CHORDC1: variants seen among roughly 807,000 people sequenced by gnomAD.
CHORDC1 encodes the protein cysteine and histidine-rich domain-containing protein 1.
CHORDC1 carries 25 observed loss-of-function variants against 48.3 expected under a neutral mutation model. That is an observed-to-expected ratio of 0.52 (90% CI 0.38 to 0.72). The LOEUF is 0.72. CHORDC1 is among the 30% of genes least tolerant of loss of function. The pLI is 0.00. For synonymous variants in CHORDC1, 128 were observed against 126.4 expected (o/e 1.01, Z -0.09); for missense variants, 317 against 388.7 (o/e 0.82, Z 1.55).
intron 8 of CHORDC1, among the ~76,000 whole-genome samples, chr11:90,204,004 AT>A (rs947466995): frequency 3.3e-5 from 5 of 150,982 alleles, no homozygotes; most frequent in Admixed American, 6.6e-5. Flanking sequence ...CCCTACCAGT[AT>A]TTTTTTTTAT....
At chr11:90,204,071 G>A (rs934713235) in intron 8 of CHORDC1, among the ~76,000 whole-genome samples, 1 of 151,878 alleles carries the variant, frequency 6.6e-6, no homozygotes, top group Admixed American at 6.6e-5. Context: ...CATAATTCAG[G>A]AAACTGAGAC....
Position 90,200,710 on chromosome 11 carries a change from C to T in CHORDC1, c.*1695G>A, listed in dbSNP as rs1857525686. Among the ~76,000 whole-genome samples, 3 of 151,848 alleles carry T rather than the reference C, an allele frequency of 2.0e-5. No homozygotes were observed. The highest frequency in any genetic ancestry group is 2.0e-4 in the Admixed American group (3 of 15,248). On this transcript the variant is annotated 3_prime_UTR_variant, in exon 11 of 11. Coordinates refer to ENST00000320585, the MANE Select transcript of CHORDC1 (RefSeq NM_012124.3). ...TGTAACTAATCTGAGGTTACAATAACTCACTGCTTCAAATAATATTTCAAT... is the reference window on the plus strand; with the variant it reads ...TGTAACTAATCTGAGGTTACAATAATTCACTGCTTCAAATAATATTTCAAT...
At chr11:90,209,298 C>T (rs1205388468) in intron 6 of CHORDC1, 1 of 152,166 alleles carries the variant, frequency 6.6e-6, no homozygotes, top group African/African-American at 2.4e-5. Context: ...CTTGAATTCC[C>T]TTCACATCGA....
chr11:90,205,290 T>C (rs1410312450), intron 8 of CHORDC1, among the ~76,000 whole-genome samples, 170 bp downstream of exon 8: 1 of 152,216 alleles, frequency 6.6e-6, no homozygotes, highest in Non-Finnish European at 1.5e-5. Flanking sequence ...CAAAAGGCAG[T>C]ACACTGGCAG....
At chr11:90,213,251 T>C in intron 4 of CHORDC1, 1 of 549,132 alleles carries the variant, frequency 1.8e-6, no homozygotes, top group Non-Finnish European at 3.3e-6. Context: ...TATAAATTTA[T>C]TTAAGTAGGA....
At chr11:90,222,589 A>AGGTCCC (rs1438522531) in intron 1 of CHORDC1, 1 of 618,334 alleles carries the variant, frequency 1.6e-6, no homozygotes, top group Non-Finnish European at 3.0e-6. Flanking sequence ...TTCGTTCTAA[A>AGGTCCC]TTCCAGGCGA....
intron 3 of CHORDC1, among the ~76,000 whole-genome samples, chr11:90,214,710 C>T (rs1857965803): frequency 6.6e-6 from 1 of 152,074 alleles, no homozygotes; most frequent in South Asian, 2.1e-4. Context: ...TTTTCTACTA[C>T]ATTCTACTGA....
intron 1 of CHORDC1, among the ~76,000 whole-genome samples, chr11:90,221,367 A>G (rs904119121): frequency 6.6e-6 from 1 of 152,306 alleles, no homozygotes. Flanking sequence ...TCATTTCGCT[A>G]AAGTAAATAT....
intron 9 of CHORDC1, 125 bp downstream of exon 9, chr11:90,203,183 A>G: frequency 1.1e-6 from 1 of 931,958 alleles, no homozygotes; most frequent in South Asian, 2.4e-5. Context: ...AATTTTTTTT[A>G]ATGGGAGTCA....
At chr11:90,213,837 T>G in intron 4 of CHORDC1, 181 bp downstream of exon 4, 1 of 556,158 alleles carries the variant, frequency 1.8e-6, no homozygotes, top group South Asian at 2.7e-5. Flanking sequence ...ATTGTGTACA[T>G]GCTCTCAAGT....
chr11:90,203,016 A>C (rs1404634344), intron 9 of CHORDC1, 141 bp from the exon 10 acceptor site: 1 of 1,117,142 alleles, frequency 9.0e-7, no homozygotes, highest in Non-Finnish European at 1.2e-6. Context: ...TCATATGAGA[A>C]AAGCCACTGA....
intron 5 of CHORDC1, chr11:90,210,986 G>GA: frequency 2.5e-5 from 8 of 314,322 alleles, no homozygotes; most frequent in Non-Finnish European, 4.0e-5. Flanking sequence ...AACCATAAAA[G>GA]AAAAAAAATT....
At chr11:90,207,786 A>AAAAAAAAG in intron 6 of CHORDC1, 1 of 150,432 alleles carries the variant, frequency 6.6e-6, no homozygotes, top group South Asian at 2.1e-4. Flanking sequence ...AAACAAAAAA[A>AAAAAAAAG]ACTCGTATAA....
chr11:90,200,657 T>C lies in CHORDC1; in HGVS notation c.*1748A>G, dbSNP rs1857523801. 2.0e-5 allele frequency among the ~76,000 whole-genome samples: 3 copies of C among 151,840 alleles called. No individual in the cohort carries two copies. In the South Asian group the frequency reaches 6.2e-4, roughly 31 times the overall value. ...AAAGCTACATATGTATGTGTGTGTGTGTGTGTATAAATCAATGTTTTGATC... is the reference window on the plus strand; with the variant it reads ...AAAGCTACATATGTATGTGTGTGTGCGTGTGTATAAATCAATGTTTTGATC... On this transcript the variant is annotated 3_prime_UTR_variant, in exon 11 of 11. Transcript: ENST00000320585.
intron 8 of CHORDC1, 117 bp from the exon 9 acceptor site, chr11:90,203,544 G>T: frequency 1.2e-6 from 1 of 861,574 alleles, no homozygotes; most frequent in Non-Finnish European, 1.7e-6. Context: ...AGCACTTAAT[G>T]TTTAAGGGCA....
chr11:90,200,928 T>C lies in CHORDC1; in HGVS notation c.*1477A>G, dbSNP rs914064444. Among the ~76,000 whole-genome samples the C allele has an allele frequency of 1.3e-5, 2 of 151,976 alleles. No homozygotes were observed. On this transcript the variant is annotated 3_prime_UTR_variant, in exon 11 of 11. Coordinates refer to ENST00000320585, the MANE Select transcript of CHORDC1 (RefSeq NM_012124.3). ...GAAAAATTTTAAATACATCTCCAGG[T>C]ATCAGATGCTTATGTACTCCATGTG...
At chr11:90,204,018 A>G (rs1857606191) in intron 8 of CHORDC1, among the ~76,000 whole-genome samples, 2 of 152,102 alleles carry the variant, frequency 1.3e-5, no homozygotes, top group African/African-American at 4.8e-5. Flanking sequence ...TTTTTTATAG[A>G]GGCAAATGAT....
At chr11:90,203,492 A>C in intron 8 of CHORDC1, 65 bp from the exon 9 acceptor site, 1 of 1,443,640 alleles carries the variant, frequency 6.9e-7, no homozygotes, top group Non-Finnish European at 9.3e-7. Flanking sequence ...TAAAAAGAGG[A>C]ATTTGACCCA....
intron 7 of CHORDC1, 124 bp from the exon 8 acceptor site, chr11:90,205,689 G>T: frequency 1.6e-6 from 1 of 639,816 alleles, no homozygotes; most frequent in Non-Finnish European, 2.7e-6. Flanking sequence ...CATTTTACAA[G>T]TGTCTAAGTT....
Sources: gnomAD v4.1 joint callset for allele counts (sites outside exome capture counted in the v4.1 genomes callset) on GRCh38, gnomAD v4.1.1 for gene constraint, MANE v1.5 for transcripts, NCBI Gene and HGNC (gene_info 2026-07-23, HGNC 2026-07-21) for gene names.